KCNH8: variants seen among roughly 807,000 people sequenced by gnomAD.
The protein encoded by KCNH8 is voltage-gated delayed rectifier potassium channel KCNH8.
Under a neutral mutation model 103.6 loss-of-function variants are expected in KCNH8, and 70 were observed. The ratio of observed to expected loss-of-function variants is 0.68; its 90% CI spans 0.56 to 0.82. The LOEUF (loss-of-function observed/expected upper bound fraction) is 0.82. Ranked by LOEUF, KCNH8 falls within the 40% of genes least tolerant of loss-of-function variation. The pLI is 0.00. For synonymous variants in KCNH8, 498 were observed against 489.4 expected, an observed-to-expected ratio of 1.02 and a Z score of -0.23; for missense variants, 1,217 against 1,329.9, an observed-to-expected ratio of 0.92 and a Z score of 1.32.
chr3:19,534,173 C>A lies in KCNH8; in HGVS notation c.*74C>A. 1 of 1,142,316 alleles carries A rather than the reference C, an allele frequency of 8.8e-7. No homozygotes were observed. Among genetic ancestry groups the A allele is most frequent in the Non-Finnish European group, 1.3e-6 (1 of 794,840 alleles). The allele number at this position is 1,142,316 out of a possible 1,614,324, so 70.8% of individuals were successfully genotyped here. ...ACAGTTTTAGTTTGCCTTTTTGCCT[C>A]TGGTGGGCATGAAGACTGAGCAAAG... On this transcript the variant is annotated 3_prime_UTR_variant, in exon 16 of 16. Transcript: ENST00000328405.
At chr3:19,404,312 C>T (rs1229054013) in intron 7 of KCNH8, among the ~76,000 whole-genome samples, 1 of 151,922 alleles carries the variant, frequency 6.6e-6, no homozygotes, top group African/African-American at 2.4e-5. Context: ...TTCCTAGTCT[C>T]ATTTTGGTTT....
intron 11 of KCNH8, among the ~76,000 whole-genome samples, chr3:19,461,967 T>G (rs551845362): frequency 8.3e-4 from 126 of 152,250 alleles, no homozygotes; most frequent in Non-Finnish European, 1.2e-3. Flanking sequence ...CAAAGGACAT[T>G]AACTCATCCT....
At chr3:19,313,301 A>G (rs776642060) in intron 3 of KCNH8, among the ~76,000 whole-genome samples, 2 of 149,260 alleles carry the variant, frequency 1.3e-5, no homozygotes, top group African/African-American at 2.5e-5. Context: ...GCAGTATAGT[A>G]AAAAAAAATC....
chr3:19,303,924 G>T (rs998559660), intron 3 of KCNH8, among the ~76,000 whole-genome samples: 1 of 152,118 alleles, frequency 6.6e-6, no homozygotes, highest in Non-Finnish European at 1.5e-5. Flanking sequence ...GGTGGATACA[G>T]GGGGACCACA....
chr3:19,340,837 T>C (rs1037701242), intron 3 of KCNH8, among the ~76,000 whole-genome samples: 28 of 152,152 alleles, frequency 1.8e-4, no homozygotes, highest in African/African-American at 6.5e-4. Flanking sequence ...AACTCAGTGC[T>C]TGCCTTCTTG....
At chr3:19,415,638 T>C (rs2066852771) in intron 7 of KCNH8, among the ~76,000 whole-genome samples, 1 of 152,046 alleles carries the variant, frequency 6.6e-6, no homozygotes, top group Non-Finnish European at 1.5e-5. Flanking sequence ...GTAAGATATG[T>C]ACAAGTGTAC....
chr3:19,263,694 A>G (rs1015270822), intron 2 of KCNH8, among the ~76,000 whole-genome samples: 2 of 152,118 alleles, frequency 1.3e-5, no homozygotes, highest in African/African-American at 2.4e-5. Flanking sequence ...AACTTCTGCC[A>G]TACCATATTT....
chr3:19,165,044 T>C (rs569913730), intron 1 of KCNH8, among the ~76,000 whole-genome samples: 1 of 152,196 alleles, frequency 6.6e-6, no homozygotes, highest in African/African-American at 2.4e-5. Context: ...ATGAAGAAAC[T>C]TTTGGGGGTG....
At position 19,533,629 on chromosome 3, in the gene KCNH8, A is replaced by G. The variant is rs1458005609; in HGVS notation, c.2854A>G (p.Ser952Gly). The change falls in exon 16 of 16, where the codon AGT (serine) becomes GGT (glycine). Residue 952 changes from serine (S) to glycine (G), a missense_variant. Ser to Gly is a moderately conservative substitution (Grantham distance 56). Coordinates refer to ENST00000328405, the MANE Select transcript of KCNH8 (RefSeq NM_144633.3). The stretch of plus-strand genomic sequence containing the variant: ...TTATACCCAAGCACAACTTTGTAGC[A>G]GTAATATCACCTCAGACATTTGGAG... The part of the protein sequence containing the change: ...AAYTQAQLCS[S>G]NITSDIWSVD... 6.2e-7 allele frequency: 1 copy of G among 1,614,172 alleles called. No homozygotes were observed. Among genetic ancestry groups the G allele is most frequent in the Non-Finnish European group, 8.5e-7 (1 of 1,180,018 alleles).
At chr3:19,161,610 T>A (rs969578095) in intron 1 of KCNH8, among the ~76,000 whole-genome samples, 5 of 152,188 alleles carry the variant, frequency 3.3e-5, no homozygotes, top group Non-Finnish European at 7.3e-5. Context: ...TCAAAGTTCG[T>A]TCTGTAGGTG....
intron 13 of KCNH8, among the ~76,000 whole-genome samples, chr3:19,514,164 A>T (rs2068834869): frequency 6.6e-6 from 1 of 152,138 alleles, no homozygotes; most frequent in Admixed American, 6.6e-5. Flanking sequence ...TCTCAGAGAT[A>T]TTAAGTATTG....
chr3:19,477,686 T>C (rs2068005395), intron 11 of KCNH8, among the ~76,000 whole-genome samples: 1 of 152,184 alleles, frequency 6.6e-6, no homozygotes, highest in Non-Finnish European at 1.5e-5. Context: ...GAGAGATGCA[T>C]GATTATTATT....
intron 11 of KCNH8, among the ~76,000 whole-genome samples, chr3:19,490,852 A>G (rs1459960205): frequency 6.6e-6 from 1 of 152,208 alleles, no homozygotes; most frequent in African/African-American, 2.4e-5. Context: ...ACCACCAGCT[A>G]TAAGAGACTC....
At chr3:19,378,563 C>A (rs2066244278) in intron 5 of KCNH8, among the ~76,000 whole-genome samples, 1 of 152,178 alleles carries the variant, frequency 6.6e-6, no homozygotes, top group Non-Finnish European at 1.5e-5. Flanking sequence ...CTTTGTTTCT[C>A]CCACAGAGTG....
chr3:19,515,826 T>C (rs2068864730), intron 14 of KCNH8, among the ~76,000 whole-genome samples: 1 of 152,026 alleles, frequency 6.6e-6, no homozygotes, highest in Admixed American at 6.6e-5. Flanking sequence ...TTATTCAGTG[T>C]GAGGTTATAT....
chr3:19,440,034 CAGAA>C (rs1459160037), intron 8 of KCNH8, among the ~76,000 whole-genome samples: 1 of 151,844 alleles, frequency 6.6e-6, no homozygotes, highest in African/African-American at 2.4e-5. Context: ...GTGACAAAGA[CAGAA>C]AGAAACAAAC....
rs2066280223 is a variant in KCNH8, at chr3:19,380,950, TTAAG to T, written c.812-9529_812-9526del. On this transcript the variant is annotated intron_variant, in intron 5 of 15. Transcript: ENST00000328405. ...AAATAACTATGAAATCATAATGTGC[TTAAG>T]TGAGAATCTATTTTTCTCTTAATTG... is the stretch of plus-strand genomic sequence containing the variant. Among the ~76,000 whole-genome samples the T allele has an allele frequency of 2.6e-5, 4 of 152,376 alleles. No individual in the cohort carries two copies. In the Middle Eastern group the frequency reaches 0.01, roughly 389 times the overall value.
chr3:19,498,177 T>C (rs957874368), intron 11 of KCNH8, among the ~76,000 whole-genome samples: 1 of 152,216 alleles, frequency 6.6e-6, no homozygotes, highest in African/African-American at 2.4e-5. Context: ...CCAGGGTGTA[T>C]TGCTTCTTTC....
chr3:19,185,323 T>C (rs2063491911), intron 1 of KCNH8, among the ~76,000 whole-genome samples: 1 of 151,988 alleles, frequency 6.6e-6, no homozygotes, highest in East Asian at 1.9e-4. Flanking sequence ...TTCAGGTGAG[T>C]GTATAGTGTT....
Sources: allele counts gnomAD v4.1 joint callset (sites outside exome capture counted in the v4.1 genomes callset), GRCh38; gene constraint gnomAD v4.1.1; transcripts MANE v1.5; gene names NCBI Gene and HGNC (gene_info 2026-07-23, HGNC 2026-07-21).